The following TENM3 variants were observed in gnomAD, a reference collection of about 807,000 sequenced individuals.
TENM3 encodes the protein teneurin-3.
TENM3 carries 63 observed loss-of-function variants against 255.1 expected under a neutral mutation model. The observed-to-expected ratio is 0.25, with a 90% CI of 0.20 to 0.30. The LOEUF (loss-of-function observed/expected upper bound fraction) is 0.30. Ranked by LOEUF, TENM3 falls within the 10% of genes least tolerant of loss-of-function variation. TENM3 has a pLI of 1.00. For missense variants in TENM3, 2,929 were observed against 3,461.1 expected, an observed-to-expected ratio of 0.85 and a Z score of 3.86; for synonymous variants, 1,306 against 1,322.3, an observed-to-expected ratio of 0.99 and a Z score of 0.27.
chr4:181,605,588 A>AG, the TENM3 span, among the ~76,000 whole-genome samples: 30 of 37,566 alleles, frequency 8.0e-4, 3 homozygotes, highest in South Asian at 3.5e-3. Flanking sequence ...AAGAAAGGAA[A>AG]GAAAGAAAGA....
At chr4:182,068,659 T>C in the TENM3 span, among the ~76,000 whole-genome samples, 1 of 152,146 alleles carries the variant, frequency 6.6e-6, no homozygotes, top group Non-Finnish European at 1.5e-5. Context: ...AAGATGAACC[T>C]TTCCTTTTTA....
intron 15 of TENM3, among the ~76,000 whole-genome samples, chr4:182,730,659 A>G (rs1012802196): frequency 6.6e-6 from 1 of 152,220 alleles, no homozygotes; most frequent in Non-Finnish European, 1.5e-5. Context: ...TGGAAAGCAA[A>G]TTTGGAAAAA....
At chr4:182,717,347 T>G (rs1296025735) in intron 13 of TENM3, among the ~76,000 whole-genome samples, 1 of 152,220 alleles carries the variant, frequency 6.6e-6, no homozygotes, top group African/African-American at 2.4e-5. Flanking sequence ...GCGACTTATC[T>G]TCAGCCACCC....
intron 3 of TENM3, among the ~76,000 whole-genome samples, chr4:182,418,770 C>T (rs1770571441): frequency 1.3e-5 from 2 of 152,156 alleles, no homozygotes; most frequent in African/African-American, 4.8e-5. Flanking sequence ...GCCATGTTGC[C>T]CAGGCTGGTC....
At chr4:182,199,787 G>T (rs1380400731) in intron 1 of TENM3, among the ~76,000 whole-genome samples, 1 of 146,846 alleles carries the variant, frequency 6.8e-6, no homozygotes, top group African/African-American at 2.5e-5. Flanking sequence ...GTGCAGTGGC[G>T]CAATCACAGC....
chr4:181,667,396 C>A, the TENM3 span, among the ~76,000 whole-genome samples: 2 of 152,144 alleles, frequency 1.3e-5, no homozygotes, highest in Non-Finnish European at 2.9e-5. Context: ...AACAATGGCT[C>A]GCAAACCATC....
chr4:181,574,297 C>T, the TENM3 span, among the ~76,000 whole-genome samples: 5 of 151,506 alleles, frequency 3.3e-5, no homozygotes, highest in Admixed American at 2.6e-4. Context: ...TTTGGGAGGC[C>T]GAGGCGGGTG....
the TENM3 span, among the ~76,000 whole-genome samples, chr4:181,872,659 T>C: frequency 6.6e-6 from 1 of 152,240 alleles, no homozygotes; most frequent in Non-Finnish European, 1.5e-5. Flanking sequence ...TCTTTCATTT[T>C]TTGATATTGA....
At chr4:181,888,498 A>ATATATGTATG in the TENM3 span, among the ~76,000 whole-genome samples, 3 of 20,726 alleles carry the variant, frequency 1.4e-4, no homozygotes, top group African/African-American at 6.0e-4. Flanking sequence ...AAATGTGTAT[A>ATATATGTATG]TATATATATA....
the TENM3 span, among the ~76,000 whole-genome samples, chr4:182,011,663 C>T: frequency 4.6e-5 from 7 of 152,298 alleles, no homozygotes; most frequent in African/African-American, 1.7e-4. Context: ...CTGGCTCCTG[C>T]CTTCCAATTA....
the TENM3 span, among the ~76,000 whole-genome samples, chr4:181,542,564 GA>G: frequency 6.6e-6 from 1 of 152,190 alleles, no homozygotes; most frequent in Admixed American, 6.5e-5. Context: ...AGTGGGGATG[GA>G]GAGAAGCACA....
At chr4:181,935,691 G>A in the TENM3 span, among the ~76,000 whole-genome samples, 1 of 152,062 alleles carries the variant, frequency 6.6e-6, no homozygotes, top group Non-Finnish European at 1.5e-5. Context: ...GCCTTTACCA[G>A]GCCTTCCAAA....
At chr4:182,339,910 T>A (rs1764378702) in intron 2 of TENM3, among the ~76,000 whole-genome samples, 1 of 150,516 alleles carries the variant, frequency 6.6e-6, no homozygotes, top group South Asian at 2.1e-4. Context: ...GTTTTTGATT[T>A]AAAAAAAAAA....
At chr4:181,744,828 T>C in the TENM3 span, among the ~76,000 whole-genome samples, 1 of 152,160 alleles carries the variant, frequency 6.6e-6, no homozygotes, top group Admixed American at 6.6e-5. Context: ...TCTGAGCAAC[T>C]AGAAGGATGG....
At chr4:181,467,089 GTGTGTGTGTGTGTGTA>G in the TENM3 span, among the ~76,000 whole-genome samples, 5 of 64,414 alleles carry the variant, frequency 7.8e-5, no homozygotes, top group African/African-American at 4.6e-4. Context: ...GTGTGCGTGT[GTGTGTGTGTGTGTGTA>G]TATATATATA....
the TENM3 span, among the ~76,000 whole-genome samples, chr4:181,654,520 G>T: frequency 6.6e-6 from 1 of 152,032 alleles, no homozygotes; most frequent in African/African-American, 2.4e-5. Flanking sequence ...TTGGGAGGCC[G>T]ATGAGGGTGG....
At chr4:182,180,360 TATG>T (rs1025446595) in intron 1 of TENM3, among the ~76,000 whole-genome samples, 13 of 152,320 alleles carry the variant, frequency 8.5e-5, no homozygotes, top group African/African-American at 2.6e-4. Context: ...CCCTAGTTAA[TATG>T]ATGTTTATCT....
chr4:182,533,182 A>C (rs1243220967), intron 3 of TENM3, among the ~76,000 whole-genome samples: 1 of 152,198 alleles, frequency 6.6e-6, no homozygotes, highest in African/African-American at 2.4e-5. Context: ...TTTATGGCTA[A>C]TTCTAATACA....
At chr4:181,582,417 G>A in the TENM3 span, among the ~76,000 whole-genome samples, 1 of 152,108 alleles carries the variant, frequency 6.6e-6, no homozygotes, top group Non-Finnish European at 1.5e-5. Context: ...ATGAACCAGA[G>A]GCCCAGGCAG....
Sources: allele counts gnomAD v4.1 joint callset (sites outside exome capture counted in the v4.1 genomes callset), GRCh38; gene constraint gnomAD v4.1.1; transcripts MANE v1.5; gene names NCBI Gene and HGNC (gene_info 2026-07-23, HGNC 2026-07-21).